The following RALGDS variants were observed in gnomAD, a reference collection of about 807,000 sequenced individuals.
RALGDS encodes ral guanine nucleotide exchange factor.
A neutral mutation model predicts 99.8 loss-of-function variants in RALGDS; 44 were observed. The observed-to-expected ratio is 0.44, with a 90% CI of 0.35 to 0.57. The LOEUF (loss-of-function observed/expected upper bound fraction) is 0.57, where lower values mean the gene tolerates loss of function less well. Among genes scored for constraint, RALGDS ranks in the 20% least tolerant of loss-of-function variants. The pLI, the probability that RALGDS is intolerant of heterozygous loss-of-function variation, is 0.01. For missense variants in RALGDS, 1,022 were observed against 1,203.1 expected (o/e 0.85, Z 2.23); for synonymous variants, 529 against 505.0 (o/e 1.05, Z -0.64).
At chr9:133,120,130 C>A (rs1228841876) in intron 1 of RALGDS, among the ~76,000 whole-genome samples, 2 of 152,162 alleles carry the variant, frequency 1.3e-5, no homozygotes, top group Non-Finnish European at 2.9e-5. Context: ...GGATTCCACT[C>A]CCTCTGCTGT....
At chr9:133,136,949 A>G (rs1405469967) in intron 1 of RALGDS, among the ~76,000 whole-genome samples, 1 of 151,474 alleles carries the variant, frequency 6.6e-6, no homozygotes, top group Admixed American at 6.6e-5. Flanking sequence ...AAAAAACGAA[A>G]CAAGGCTGGG....
intron 17 of RALGDS, chr9:133,099,970 G>A (rs979801916): frequency 6.4e-6 from 3 of 466,696 alleles, no homozygotes; most frequent in South Asian, 2.2e-5. Flanking sequence ...GCCAGAAAGA[G>A]TCCCTTCCAG....
chr9:133,126,837 A>T (rs576272), intron 1 of RALGDS, among the ~76,000 whole-genome samples: 4 of 152,178 alleles, frequency 2.6e-5, no homozygotes, highest in Admixed American at 6.5e-5. Flanking sequence ...GGGCATCTTA[A>T]GTCACTCTCT....
intron 5 of RALGDS, 68 bp downstream of exon 5, chr9:133,108,605 C>T: frequency 1.3e-6 from 2 of 1,582,150 alleles, no homozygotes; most frequent in Non-Finnish European, 1.7e-6. Flanking sequence ...CCTGGAGCCT[C>T]CTCTTCGTGT....
chr9:133,119,045 G>A (rs1426868488), intron 1 of RALGDS, among the ~76,000 whole-genome samples: 1 of 152,242 alleles, frequency 6.6e-6, no homozygotes, highest in Non-Finnish European at 1.5e-5. Flanking sequence ...GAACTGTGCA[G>A]GCCAAGCTGG....
At chr9:133,100,926 T>C (rs139194116) in intron 16 of RALGDS, 242 of 1,043,652 alleles carry the variant, frequency 2.3e-4, no homozygotes, top group Non-Finnish European at 2.6e-4. Flanking sequence ...GTGTGAATAA[T>C]GGGGCACCTG....
Position 133,103,689 on chromosome 9 carries a change from G to A in RALGDS, c.1758+58C>T, listed in dbSNP as rs897658742. 12 of 1,556,716 alleles carry A rather than the reference G, an allele frequency of 7.7e-6. 1 individual carries two copies. The African/African-American group carries it at 1.6e-4, about 21-fold the overall frequency. ...GACAGGTGTGGCAGCCCAGCCCCCAGGGCTCAGGGAAGGTCTCTCCTCCCG... is the reference window on the plus strand; with the variant it reads ...GACAGGTGTGGCAGCCCAGCCCCCAAGGCTCAGGGAAGGTCTCTCCTCCCG... On this transcript the variant is annotated intron_variant, in intron 11 of 17. Transcript: ENST00000372050.
chr9:133,106,278 G>C (rs1208425661), intron 8 of RALGDS, among the ~76,000 whole-genome samples: 1 of 152,108 alleles, frequency 6.6e-6, no homozygotes, highest in Non-Finnish European at 1.5e-5. Context: ...ACCCAGGCTG[G>C]AGTGCAGTGG....
chr9:133,103,638 G>A, intron 11 of RALGDS, 109 bp downstream of exon 11: 4 of 1,143,074 alleles, frequency 3.5e-6, no homozygotes, highest in Non-Finnish European at 5.3e-6. Context: ...CACCAGCAGG[G>A]CACTGAGCTG....
intron 9 of RALGDS, chr9:133,104,707 G>C (rs567712413): frequency 4.4e-6 from 1 of 229,638 alleles, no homozygotes; most frequent in African/African-American, 2.3e-5. Context: ...AGCTACTTGG[G>C]AAGCTGAGGC....
intron 1 of RALGDS, 110 bp from the exon 2 acceptor site, chr9:133,112,262 C>A (rs938265414): frequency 4.0e-6 from 3 of 742,922 alleles, no homozygotes; most frequent in African/African-American, 3.5e-5. Context: ...CACAGACTGG[C>A]GGCTGCACAG....
At chr9:133,102,254 C>A (rs1830792103) in intron 14 of RALGDS, 115 bp from the exon 15 acceptor site, 2 of 1,197,534 alleles carry the variant, frequency 1.7e-6, no homozygotes, top group South Asian at 1.4e-5. Flanking sequence ...TGCCAGTACT[C>A]CATTCACCAC....
chr9:133,102,260 A>G, intron 14 of RALGDS, 121 bp from the exon 15 acceptor site: 1 of 1,185,624 alleles, frequency 8.4e-7, no homozygotes, highest in Non-Finnish European at 1.2e-6. Flanking sequence ...TACTCCATTC[A>G]CCACAGCCAT....
At chr9:133,132,212 C>T (rs1455541994), upstream of RALGDS, among the ~76,000 whole-genome samples, 1 of 152,224 alleles carries the variant, frequency 6.6e-6, no homozygotes, top group Non-Finnish European at 1.5e-5. Flanking sequence ...CAGGCCCGGT[C>T]CCGGGAGAGG....
intron 1 of RALGDS, among the ~76,000 whole-genome samples, chr9:133,143,771 T>TAATAACAACAACAACAACAAC (rs1554745676): frequency 2.7e-5 from 3 of 111,624 alleles, no homozygotes; most frequent in Admixed American, 9.7e-5. Flanking sequence ...ATAATAATAA[T>TAATAACAACAACAACAACAAC]AACAACAACA....
intron 1 of RALGDS, among the ~76,000 whole-genome samples, chr9:133,118,098 C>G (rs1007830017): frequency 2.0e-5 from 3 of 152,192 alleles, no homozygotes; most frequent in African/African-American, 7.2e-5. Flanking sequence ...TCCCCCTCTT[C>G]TGGGGGACCC....
chr9:133,100,399 G>A lies in RALGDS; in HGVS notation c.2455-17C>T. ...GCTGGTCACCTGCATCGCGGCGGGGGATGGACCATCAGGGAAAAGACCCTG... is the reference window on the plus strand; with the variant it reads ...GCTGGTCACCTGCATCGCGGCGGGGAATGGACCATCAGGGAAAAGACCCTG... On this transcript the variant is annotated splice_polypyrimidine_tract_variant and intron_variant, in intron 16 of 17. Coordinates refer to ENST00000372050, the MANE Select transcript of RALGDS (RefSeq NM_006266.4). 1.2e-6 allele frequency: 2 copies of A among 1,613,602 alleles called. No homozygotes were observed. The highest frequency in any genetic ancestry group is 1.1e-5 in the South Asian group (1 of 91,078).
chr9:133,130,770 C>T (rs555477498), intron 1 of RALGDS, among the ~76,000 whole-genome samples: 76 of 152,298 alleles, frequency 5.0e-4, no homozygotes, highest in Middle Eastern at 3.4e-3. Flanking sequence ...AAAGACTGAG[C>T]CCCAGAGAGA....
Position 133,106,152 on chromosome 9 carries a change from G to A in RALGDS, c.1518-136C>T, listed in dbSNP as rs1295810212. On this transcript the variant is annotated intron_variant, in intron 8 of 17. Coordinates refer to ENST00000372050, the MANE Select transcript of RALGDS (RefSeq NM_006266.4). The stretch of plus-strand genomic sequence containing the variant: ...ACACAGGGTACCCCAGAGCACTAAC[G>A]CTCTGCAGGTCTGGGGAGGGGGCCT... 14 of 705,500 alleles carry A rather than the reference G, an allele frequency of 2.0e-5. No homozygotes were observed. The Middle Eastern group carries it at 1.3e-3, about 64-fold the overall frequency. 43.7% of individuals were successfully genotyped at this position (705,500 alleles called of 1,614,324 possible).
Sources: gnomAD v4.1 joint callset for allele counts (sites outside exome capture counted in the v4.1 genomes callset) on GRCh38, gnomAD v4.1.1 for gene constraint, MANE v1.5 for transcripts, NCBI Gene and HGNC (gene_info 2026-07-23, HGNC 2026-07-21) for gene names.